VCF2: variants seen among roughly 807,000 people sequenced by gnomAD.
VCF2 encodes the protein VCP nuclear cofactor family member 2.
the VCF2 span, chrX:55,146,389 C>A: frequency 1.1e-6 from 1 of 897,102 alleles, no homozygotes; most frequent in Non-Finnish European, 1.6e-6. Flanking sequence ...AGAATAGCAG[C>A]ATAAAACTCT....
the VCF2 span, among the ~76,000 whole-genome samples, chrX:55,158,476 C>A: frequency 9.0e-6 from 1 of 111,175 alleles, no homozygotes; most frequent in Non-Finnish European, 1.9e-5. Flanking sequence ...TAGAATTCAA[C>A]AGTACAGTAG....
At chrX:55,148,926 G>A in the VCF2 span, among the ~76,000 whole-genome samples, 1 of 111,439 alleles carries the variant, frequency 9.0e-6, no homozygotes, top group Non-Finnish European at 1.9e-5. Flanking sequence ...TTCTCCTCAG[G>A]TTCTAACTGT....
At chrX:55,152,908 T>A in the VCF2 span, among the ~76,000 whole-genome samples, 1 of 111,656 alleles carries the variant, frequency 9.0e-6, no homozygotes, top group Non-Finnish European at 1.9e-5. Flanking sequence ...CAAATGCATA[T>A]CTGATTACTC....
At chrX:55,152,053 G>A in the VCF2 span, among the ~76,000 whole-genome samples, 1 of 106,075 alleles carries the variant, frequency 9.4e-6, no homozygotes, top group African/African-American at 3.4e-5. Context: ...CACTACGCCC[G>A]GCTAATTTTT....
At chrX:55,158,001 G>T in the VCF2 span, among the ~76,000 whole-genome samples, 1 of 112,251 alleles carries the variant, frequency 8.9e-6, no homozygotes. Context: ...ATGTATGGTT[G>T]AAAGAAAATA....
At chrX:55,157,303 C>T in the VCF2 span, among the ~76,000 whole-genome samples, 27 of 112,132 alleles carry the variant, frequency 2.4e-4, no homozygotes, top group Admixed American at 1.7e-3. Flanking sequence ...GAGGCCGAGG[C>T]GGGCGGATCA....
At chrX:55,161,006 C>T in the VCF2 span, 1 of 1,168,177 alleles carries the variant, frequency 8.6e-7, no homozygotes. Flanking sequence ...CGCCACCAAC[C>T]CCGGAAGAAA....
the VCF2 span, among the ~76,000 whole-genome samples, chrX:55,156,224 T>C: frequency 5.4e-5 from 6 of 111,965 alleles, no homozygotes; most frequent in South Asian, 2.2e-3. Context: ...AGTGCTGGGA[T>C]TACAGGCGTG....
the VCF2 span, chrX:55,160,728 C>G: frequency 1.2e-5 from 9 of 776,056 alleles, no homozygotes; most frequent in African/African-American, 1.7e-4. Context: ...ACAGAAATAC[C>G]AGTTGCTAGG....
At chrX:55,152,271 T>C in the VCF2 span, among the ~76,000 whole-genome samples, 1 of 112,110 alleles carries the variant, frequency 8.9e-6, no homozygotes, top group African/African-American at 3.2e-5. Context: ...CCTATTTACA[T>C]ACATAAAACA....
chrX:55,157,823 ACT>A, the VCF2 span, among the ~76,000 whole-genome samples: 670 of 111,277 alleles, frequency 6.0e-3, 8 homozygotes, highest in African/African-American at 0.021. Flanking sequence ...ATAATATTCC[ACT>A]CTTAATTTCT....
the VCF2 span, among the ~76,000 whole-genome samples, chrX:55,153,649 C>T: frequency 9.0e-6 from 1 of 110,716 alleles, no homozygotes; most frequent in Admixed American, 9.6e-5. Flanking sequence ...GCATGAGCCA[C>T]CGCGCCCGTC....
the VCF2 span, among the ~76,000 whole-genome samples, chrX:55,154,532 G>C: frequency 8.9e-6 from 1 of 112,210 alleles, no homozygotes; most frequent in South Asian, 3.7e-4. Flanking sequence ...TCTAAAGAAG[G>C]GGATCTCATT....
At chrX:55,143,723 A>G in the VCF2 span, 6 of 982,542 alleles carry the variant, frequency 6.1e-6, no homozygotes, top group Non-Finnish European at 8.6e-6. Context: ...CTCACTTTCT[A>G]CTTTCTTCTG....
chrX:55,156,198 C>T, the VCF2 span, among the ~76,000 whole-genome samples: 1 of 111,309 alleles, frequency 9.0e-6, no homozygotes, highest in Non-Finnish European at 1.9e-5. Context: ...ATGATCCACC[C>T]GCCTTGGCCT....
chrX:55,153,779 G>T, the VCF2 span, among the ~76,000 whole-genome samples: 1 of 111,952 alleles, frequency 8.9e-6, no homozygotes, highest in Non-Finnish European at 1.9e-5. Context: ...CCTGCTTATG[G>T]ATTCAGTTAC....
chrX:55,160,575 T>C, the VCF2 span, among the ~76,000 whole-genome samples: 1 of 111,906 alleles, frequency 8.9e-6, no homozygotes, highest in African/African-American at 3.3e-5. Context: ...GTGGATAAGA[T>C]TGGTTTCCTT....
the VCF2 span, among the ~76,000 whole-genome samples, chrX:55,147,634 G>GTTTT: frequency 2.0e-3 from 107 of 54,078 alleles, no homozygotes; most frequent in African/African-American, 3.7e-3. Flanking sequence ...GGCTTTCCTT[G>GTTTT]TTTTTTTTTT....
chrX:55,146,057 A>C, the VCF2 span: 1 of 1,200,322 alleles, frequency 8.3e-7, no homozygotes, highest in Non-Finnish European at 1.1e-6. Flanking sequence ...AACACAGTTT[A>C]GGTTGGAATA....
Sources: allele counts gnomAD v4.1 joint callset (sites outside exome capture counted in the v4.1 genomes callset), GRCh38; gene constraint gnomAD v4.1.1; transcripts MANE v1.5; gene names NCBI Gene and HGNC (gene_info 2026-07-23, HGNC 2026-07-21).